SP140L: variants seen among roughly 807,000 people sequenced by gnomAD.
SP140L encodes nuclear body protein SP140-like protein.
SP140L carries 64 observed loss-of-function variants against 84.3 expected under a neutral mutation model. The observed-to-expected ratio is 0.76, with a 90% CI of 0.62 to 0.94. The LOEUF is 0.94. Among genes scored for constraint, SP140L ranks in the 40% least tolerant of loss-of-function variants. The pLI is 0.00. For missense variants in SP140L, 628 were observed against 692.5 expected, an observed-to-expected ratio of 0.91 and a Z score of 1.05; for synonymous variants, 242 against 236.9, an observed-to-expected ratio of 1.02 and a Z score of -0.20.
Position 230,389,934 on chromosome 2 carries a change from A to G in SP140L, c.875A>G (p.Lys292Arg), listed in dbSNP as rs774216744. ...TCTCTTTCAGCTTCAAGAAAGCACAAAGATGAAACTGTGGATTTTCAGGCT... is the reference window on the plus strand; with the variant it reads ...TCTCTTTCAGCTTCAAGAAAGCACAGAGATGAAACTGTGGATTTTCAGGCT... The part of the protein sequence containing the change: ...RVRSRASRKH[K>R]DETVDFQAPL... The change falls in exon 11 of 19, where the codon AAA becomes AGA. Residue 292 changes from lysine to arginine, a missense_variant. Transcript: ENST00000415673. The G allele has an allele frequency of 9.9e-6, 16 of 1,613,812 alleles. No individual in the cohort carries two copies. In the South Asian group the frequency reaches 1.6e-4, roughly 17 times the overall value.
chr2:230,335,629 T>C (rs1386609206), intron 2 of SP140L, among the ~76,000 whole-genome samples: 1 of 152,232 alleles, frequency 6.6e-6, no homozygotes, highest in African/African-American at 2.4e-5. Context: ...ATAGTCATTT[T>C]TGAGGCTTTG....
chr2:230,382,854 A>G (rs2061453672), intron 7 of SP140L, among the ~76,000 whole-genome samples: 1 of 152,228 alleles, frequency 6.6e-6, no homozygotes, highest in Non-Finnish European at 1.5e-5. Context: ...GAGGGACGTC[A>G]GAAAATCAGT....
chr2:230,400,264 CTCTT>C, intron 15 of SP140L, 22 bp downstream of exon 15: 1 of 1,611,002 alleles, frequency 6.2e-7, no homozygotes, highest in Non-Finnish European at 8.5e-7. Flanking sequence ...GCAGGCACCT[CTCTT>C]TCATCCTTTA....
rs542618321 is a variant in SP140L at position 230,357,852 on chromosome 2, C to G, written c.155C>G (p.Thr52Ser). The G allele has an allele frequency of 1.2e-6, 2 of 1,613,998 alleles. No individual in the cohort carries two copies. The highest frequency in any genetic ancestry group is 2.2e-5 in the East Asian group (1 of 44,890). The change falls in exon 3 of 19, where the codon ACT becomes AGT. Residue 52 changes from threonine (T) to serine (S), a missense_variant. Transcript: ENST00000415673. ...QDVDEGLVYDTVFKHFKRHKL... is the reference protein window; with the variant it reads ...QDVDEGLVYDSVFKHFKRHKL... Reference sequence around the variant, plus strand: ...GTAGATGAGGGACTTGTCTATGACACTGTATTCAAGCACTTCAAAAGACAT... The same window carrying G: ...GTAGATGAGGGACTTGTCTATGACAGTGTATTCAAGCACTTCAAAAGACAT...
rs371131623 is a variant in SP140L, at chr2:230,327,249, G to T, written c.-21G>T. On this transcript the variant is annotated 5_prime_UTR_variant, in exon 1 of 19. It adds an upstream start codon to the 5' untranslated region. Transcript: ENST00000415673. The stretch of plus-strand genomic sequence containing the variant: ...CTCATAGGCCAGGCTCTGACACCCA[G>T]GCAGGGCCTAGGGTGGGACGATGGC... The T allele has an allele frequency of 4.4e-5, 70 of 1,607,852 alleles. 1 individual carries two copies. In the South Asian group the frequency reaches 7.5e-4, roughly 17 times the overall value.
chr2:230,400,076 C>T lies in SP140L; in HGVS notation c.1198-51C>T, dbSNP rs144295282. The T allele has an allele frequency of 3.6e-4, 573 of 1,602,578 alleles. 2 individuals carry two copies. The African/African-American group carries it at 6.9e-3, about 19-fold the overall frequency. On this transcript the variant is annotated intron_variant, in intron 14 of 18. Coordinates refer to ENST00000415673, the MANE Select transcript of SP140L (RefSeq NM_138402.6). The stretch of plus-strand genomic sequence containing the variant: ...TGTTCTAGATGCCCAGAGGGGTGGC[C>T]TTCCTGAATCTTGTGATTCCCAGTG...
At chr2:230,383,396 G>A in intron 7 of SP140L, 114 bp from the exon 8 acceptor site, 2 of 1,018,980 alleles carry the variant, frequency 2.0e-6, no homozygotes, top group Non-Finnish European at 2.8e-6. Context: ...AAAGAATTTT[G>A]CCCCATTCCT....
chr2:230,388,549 A>G lies in SP140L; in HGVS notation c.785-10A>G, dbSNP rs2061679713. 1 of 1,598,136 alleles carries G rather than the reference A, an allele frequency of 6.3e-7. No homozygotes were observed. The highest frequency in any genetic ancestry group is 8.5e-7 in the Non-Finnish European group (1 of 1,173,312). On this transcript the variant is annotated splice_polypyrimidine_tract_variant and intron_variant, in intron 9 of 18. Coordinates refer to ENST00000415673, the MANE Select transcript of SP140L (RefSeq NM_138402.6). ...TTTGTAACTGTGATTTTATTATTCT[A>G]CTTTCTCAGGGAGAAAGAGAGGCAA...
Position 230,400,191 on chromosome 2 carries a change from G to A in SP140L, c.1262G>A (p.Cys421Tyr), listed in dbSNP as rs373711151. 11 of 1,614,078 alleles carry A rather than the reference G, an allele frequency of 6.8e-6. No individual in the cohort carries two copies. Among genetic ancestry groups the A allele is most frequent in the Non-Finnish European group, 9.3e-6 (11 of 1,180,038 alleles). ...GGGGAGCTGTTCTGTTGCGACACTT[G>A]TTCAAGAGTCTTCCATGAGGACTGC... ...DGGELFCCDT[C>Y]SRVFHEDCHI... The change falls in exon 15 of 19, where the codon TGT becomes TAT. Residue 421 changes from cysteine to tyrosine, a missense_variant. Around this residue, in one of 4 missense-constraint regions of SP140L, gnomAD observed 525 missense variants for 518.4 expected, o/e 1.01. Transcript: ENST00000415673.
intron 1 of SP140L, 71 bp from the exon 2 acceptor site, chr2:230,328,686 A>G: frequency 6.4e-7 from 1 of 1,567,048 alleles, no homozygotes; most frequent in African/African-American, 1.4e-5. Context: ...TAAACCTTAA[A>G]AAGTGGAATT....
chr2:230,347,908 C>G (rs2060256316), intron 2 of SP140L, among the ~76,000 whole-genome samples: 1 of 152,236 alleles, frequency 6.6e-6, no homozygotes. Context: ...GGCAGGAACA[C>G]AGTACCAGCA....
Position 230,327,268 on chromosome 2 carries a change from C to A in SP140L, c.-2C>A. 1 of 1,610,982 alleles carries A rather than the reference C, an allele frequency of 6.2e-7. No homozygotes were observed. The highest frequency in any genetic ancestry group is 8.5e-7 in the Non-Finnish European group (1 of 1,178,628). On this transcript the variant is annotated 5_prime_UTR_variant, in exon 1 of 19. Transcript: ENST00000415673. ...CACCCAGGCAGGGCCTAGGGTGGGA[C>A]GATGGCAGGTGGGGGCAGCGACCTG...
rs754469522 is a variant in SP140L at position 230,357,980 on chromosome 2, T to C, written c.270+13T>C. The C allele has an allele frequency of 1.2e-6, 2 of 1,612,256 alleles. No individual in the cohort carries two copies. Among genetic ancestry groups the C allele is most frequent in the Non-Finnish European group, 1.7e-6 (2 of 1,179,272 alleles). On this transcript the variant is annotated intron_variant, in intron 3 of 18. Transcript: ENST00000415673. Reference sequence around the variant, plus strand: ...TAAAATGTTTGAAGTAAGTAAAGTTTATTTCACAACCTGGCAGATATGCTT... The same window carrying C: ...TAAAATGTTTGAAGTAAGTAAAGTTCATTTCACAACCTGGCAGATATGCTT...
rs200197970 is a variant in SP140L at position 230,354,881 on chromosome 2, G to GAAAGA, written c.108-2921_108-2917dup. 6.7e-3 allele frequency among the ~76,000 whole-genome samples: 845 copies of GAAAGA among 125,606 alleles called. 19 individuals are homozygous for GAAAGA. Among genetic ancestry groups the GAAAGA allele is most frequent in the Non-Finnish European group, 5.0e-3 (293 of 58,942 alleles). The allele number at this position is 125,606 out of a possible 152,430, so 82.4% of individuals were successfully genotyped here. On this transcript the variant is annotated intron_variant, in intron 2 of 18. Coordinates refer to ENST00000415673, the MANE Select transcript of SP140L (RefSeq NM_138402.6). ...AGAAAGAAAGAAAGAAAGAAAGAAA[G>GAAAGA]AAAGAAAGAAAGAAAGGAAAGAGAA...
rs190664609 is a variant in SP140L, at chr2:230,370,061, C to T, written c.524-847C>T. Among the ~76,000 whole-genome samples the T allele has an allele frequency of 5.6e-4, 86 of 152,262 alleles. 1 individual carries two copies. The highest frequency in any genetic ancestry group is 1.2e-3 in the African/African-American group (51 of 41,534). On this transcript the variant is annotated intron_variant, in intron 5 of 18. Transcript: ENST00000415673. ...TGCTGGGATTACAGGCATGAGCCAC[C>T]GCACCCTGCCACTTCTTACTGTTTT...
intron 2 of SP140L, among the ~76,000 whole-genome samples, chr2:230,334,873 C>A (rs1179175143): frequency 6.6e-6 from 1 of 151,886 alleles, no homozygotes. Context: ...TTATGCATTT[C>A]TTCTATTATT....
In SP140L at chr2:230,395,414, C is replaced by CA. The variant is rs201193198; in HGVS notation, c.1156-1334dup. Among the ~76,000 whole-genome samples the CA allele has an allele frequency of 4.2e-3, 624 of 149,268 alleles. 4 individuals are homozygous for CA. Among genetic ancestry groups the CA allele is most frequent in the African/African-American group, 0.014 (581 of 40,734 alleles). On this transcript the variant is annotated intron_variant, in intron 13 of 18. Coordinates refer to ENST00000415673, the MANE Select transcript of SP140L (RefSeq NM_138402.6). Reference sequence around the variant, plus strand: ...ACACATCGTGAGATATCATCTCTACCAAAAAAAAATAGAAAAATACCCAGG... The same window carrying CA: ...ACACATCGTGAGATATCATCTCTACCAAAAAAAAAATAGAAAAATACCCAGG...
intron 2 of SP140L, among the ~76,000 whole-genome samples, chr2:230,333,749 G>A (rs2059790232): frequency 6.6e-6 from 1 of 151,302 alleles, no homozygotes; most frequent in South Asian, 2.1e-4. Flanking sequence ...ATCCTCTAGA[G>A]ATTTTTTGTT....
chr2:230,364,551 G>A (rs1465533666), intron 5 of SP140L, among the ~76,000 whole-genome samples: 2 of 151,988 alleles, frequency 1.3e-5, no homozygotes, highest in Admixed American at 1.3e-4. Flanking sequence ...AGAGTCTTCA[G>A]GGTTTTCTCT....
Sources: allele counts gnomAD v4.1 joint callset (sites outside exome capture counted in the v4.1 genomes callset), GRCh38; gene constraint gnomAD v4.1.1; regional missense constraint gnomAD v4.1.1; transcripts MANE v1.5; gene names NCBI Gene and HGNC (gene_info 2026-07-23, HGNC 2026-07-21).